Variants in IMMT observed in about 807,000 individuals in gnomAD.
IMMT encodes inner membrane mitochondrial protein, also known as MICOS complex subunit MIC60.
IMMT carries 40 observed loss-of-function variants against 92.7 expected under a neutral mutation model. The observed-to-expected ratio is 0.43, with a 90% CI of 0.34 to 0.56. The LOEUF (loss-of-function observed/expected upper bound fraction) is 0.56, where lower values mean the gene tolerates loss of function less well. Among genes scored for constraint, IMMT ranks in the 20% least tolerant of loss-of-function variants. The pLI is 0.03. For synonymous variants in IMMT, 322 were observed against 336.1 expected (o/e 0.96, Z 0.46); for missense variants, 831 against 912.1 (o/e 0.91, Z 1.14).
chr2:86,170,629 A>C, intron 6 of IMMT, 120 bp downstream of exon 6: 1 of 654,184 alleles, frequency 1.5e-6, no homozygotes, highest in South Asian at 1.9e-5. Flanking sequence ...ACTAAAAAAC[A>C]ACCGCAGCAA....
rs540613367 is a variant in IMMT, at chr2:86,164,052, A to ATTTTTTTTTTTT, written c.793-1985_793-1974dup. On this transcript the variant is annotated intron_variant, in intron 7 of 14. Transcript: ENST00000410111. ...GTTTCAGTGAATTCCCACTTTAGTC[A>ATTTTTTTTTTTT]TTTTTTTTTTTTTTTTTTTTTTGAG... Among the ~76,000 whole-genome samples the ATTTTTTTTTTTT allele has an allele frequency of 9.2e-4, 58 of 63,058 alleles. 4 individuals are homozygous for ATTTTTTTTTTTT. The highest frequency in any genetic ancestry group is 1.6e-3 in the South Asian group (2 of 1,234). The allele number at this position is 63,058 out of a possible 152,430, so 41.4% of individuals were successfully genotyped here. A position where few individuals can be genotyped will look rare whatever the true frequency, so the allele number is the denominator to read the frequency against.
At chr2:86,162,673 G>A (rs747851448) in intron 7 of IMMT, among the ~76,000 whole-genome samples, 8 of 152,118 alleles carry the variant, frequency 5.3e-5, no homozygotes, top group Admixed American at 2.0e-4. Flanking sequence ...GTGAAACCCC[G>A]TCTCTACTAA....
At chr2:86,194,267 G>A (rs530860436) in intron 1 of IMMT, among the ~76,000 whole-genome samples, 5 of 152,344 alleles carry the variant, frequency 3.3e-5, no homozygotes, top group South Asian at 2.1e-4. Context: ...GGAGAACACA[G>A]ATCATCCGTG....
chr2:86,154,019 T>C (rs992118004), intron 10 of IMMT, among the ~76,000 whole-genome samples: 1 of 151,414 alleles, frequency 6.6e-6, no homozygotes, highest in African/African-American at 2.4e-5. Flanking sequence ...TATGCCACCA[T>C]ACCCGGCTAA....
rs762477451 is a variant in IMMT at position 86,158,728 on chromosome 2, A to C, written c.1033-7T>G. On this transcript the variant is annotated splice_region_variant and splice_polypyrimidine_tract_variant and intron_variant, in intron 9 of 14. Coordinates refer to ENST00000410111, the MANE Select transcript of IMMT (RefSeq NM_006839.3). ...CAGACTGAGCTGCTTGGACCTGAGCAAATACACAGGGTATGTGATTAAATT... is the reference window on the plus strand; with the variant it reads ...CAGACTGAGCTGCTTGGACCTGAGCCAATACACAGGGTATGTGATTAAATT... The C allele has an allele frequency of 1.3e-6, 2 of 1,597,290 alleles. No homozygotes were observed. Among genetic ancestry groups the C allele is most frequent in the Non-Finnish European group, 1.7e-6 (2 of 1,168,918 alleles).
intron 1 of IMMT, among the ~76,000 whole-genome samples, chr2:86,183,491 T>G (rs1468205222): frequency 6.6e-6 from 1 of 152,198 alleles, no homozygotes; most frequent in African/African-American, 2.4e-5. Context: ...TCTTTTATCT[T>G]GACTCTCCAT....
At chr2:86,189,423 C>T (rs1375120566) in intron 1 of IMMT, among the ~76,000 whole-genome samples, 11 of 152,040 alleles carry the variant, frequency 7.2e-5, no homozygotes, top group Non-Finnish European at 1.0e-4. Context: ...TTAGTAGAGA[C>T]GGGGTTTCAC....
intron 1 of IMMT, among the ~76,000 whole-genome samples, chr2:86,186,742 G>C (rs1437665348): frequency 1.3e-5 from 2 of 152,156 alleles, no homozygotes; most frequent in Non-Finnish European, 2.9e-5. Context: ...GAGGGTCTCT[G>C]AGCAAAAATT....
intron 10 of IMMT, among the ~76,000 whole-genome samples, chr2:86,154,538 T>C (rs1013320209): frequency 6.6e-6 from 1 of 152,156 alleles, no homozygotes; most frequent in African/African-American, 2.4e-5. Flanking sequence ...GTTCATACAG[T>C]ATTTTACTAA....
chr2:86,158,359 G>A (rs763967102), intron 10 of IMMT: 4 of 323,980 alleles, frequency 1.2e-5, no homozygotes, highest in African/African-American at 2.1e-5. Flanking sequence ...AACCAATCAC[G>A]GATTATGGAA....
intron 7 of IMMT, among the ~76,000 whole-genome samples, chr2:86,164,367 A>G (rs1172702295): frequency 2.0e-5 from 3 of 151,692 alleles, no homozygotes; most frequent in African/African-American, 4.8e-5. Flanking sequence ...CGCTTTAGTC[A>G]TCTTGAAAAT....
chr2:86,152,756 T>A (rs1218128142), intron 11 of IMMT, among the ~76,000 whole-genome samples: 1 of 118,644 alleles, frequency 8.4e-6, no homozygotes, highest in Non-Finnish European at 2.0e-5. Context: ...CAAGACCTTG[T>A]CTCAAAAAAA....
chr2:86,181,411 G>T (rs1338692661), intron 1 of IMMT, 39 bp from the exon 2 acceptor site: 2 of 1,424,560 alleles, frequency 1.4e-6, no homozygotes, highest in Non-Finnish European at 2.0e-6. Context: ...TACAGTTAAA[G>T]GAAACTGGTA....
intron 10 of IMMT, 155 bp downstream of exon 10, chr2:86,158,437 T>C (rs530628636): frequency 1.9e-6 from 1 of 533,412 alleles, no homozygotes; most frequent in Non-Finnish European, 3.3e-6. Context: ...AGCTGTGTCA[T>C]CTGTAATGAC....
At chr2:86,173,593 AG>A in intron 4 of IMMT, 56 bp downstream of exon 4, 3 of 977,450 alleles carry the variant, frequency 3.1e-6, no homozygotes, top group Non-Finnish European at 4.7e-6. Flanking sequence ...AAAAAAAAAA[AG>A]AATTGGTGAA....
intron 4 of IMMT, among the ~76,000 whole-genome samples, chr2:86,171,972 T>G (rs1167423626): frequency 6.7e-6 from 1 of 148,620 alleles, no homozygotes; most frequent in African/African-American, 2.5e-5. Flanking sequence ...TTTTTTTTTT[T>G]TTTTTTTTTT....
At chr2:86,170,665 G>C in intron 6 of IMMT, 84 bp downstream of exon 6, 1 of 872,894 alleles carries the variant, frequency 1.1e-6, no homozygotes, top group Non-Finnish European at 1.8e-6. Flanking sequence ...CTAGGTGATA[G>C]ATGACAAACT....
chr2:86,179,503 G>T lies in IMMT; in HGVS notation c.239C>A (p.Pro80His). The change falls in exon 3 of 15, where the codon CCT becomes CAT. Residue 80 changes from proline to histidine, a missense_variant. By Grantham distance (77) the Pro-to-His change is moderately conservative. Transcript: ENST00000410111. ...HFRESVEKTIPYSDKLFEMVL... is the reference protein window; with the variant it reads ...HFRESVEKTIHYSDKLFEMVL... ...CATCTCGAAGAGTTTGTCTGAGTAA[G>T]GTATGGTTTTCTCTACACTTTCCCG... The T allele has an allele frequency of 6.2e-7, 1 of 1,613,350 alleles. No homozygotes were observed. The highest frequency in any genetic ancestry group is 8.5e-7 in the Non-Finnish European group (1 of 1,179,640).
chr2:86,149,887 A>C (rs1449720199), intron 12 of IMMT, among the ~76,000 whole-genome samples: 24 of 150,226 alleles, frequency 1.6e-4, no homozygotes, highest in African/African-American at 5.5e-4. Flanking sequence ...CTCAAAAAAA[A>C]AAAAAAAAAA....
Sources: allele counts gnomAD v4.1 joint callset (sites outside exome capture counted in the v4.1 genomes callset), GRCh38; gene constraint gnomAD v4.1.1; transcripts MANE v1.5; gene names NCBI Gene and HGNC (gene_info 2026-07-23, HGNC 2026-07-21).